ATP8A2: variants seen among roughly 807,000 people sequenced by gnomAD.
ATP8A2 encodes the protein phospholipid-transporting ATPase IB.
In ATP8A2, 100 loss-of-function variants were observed where a neutral mutation model predicts 165.6. The ratio of observed to expected loss-of-function variants is 0.60; its 90% confidence interval spans 0.51 to 0.71. ATP8A2 has a LOEUF of 0.71. ATP8A2 is among the 30% of genes least tolerant of loss of function. ATP8A2 has a pLI of 0.00. For synonymous variants in ATP8A2, 543 were observed against 548.8 expected, an observed-to-expected ratio of 0.99 and a Z score of 0.15; for missense variants, 1,227 against 1,479.5, an observed-to-expected ratio of 0.83 and a Z score of 2.80.
Position 25,701,723 on chromosome 13 carries a change from AACACACACACACAC to A in ATP8A2, c.2384+2409_2384+2422del, listed in dbSNP as rs71077495. ...TTTCTTGCCAGGTGCTTGATACTAA[AACACACACACACAC>A]ACACACACACACACACACACACACA... On this transcript the variant is annotated intron_variant, in intron 25 of 36. Transcript: ENST00000381655. Among the ~76,000 whole-genome samples the A allele has an allele frequency of 2.1e-4, 29 of 140,572 alleles. 1 individual carries two copies. The highest frequency in any genetic ancestry group is 6.7e-4 in the East Asian group (3 of 4,492). 92.2% of individuals were successfully genotyped at this position (140,572 alleles called of 152,430 possible). A position where few individuals can be genotyped will look rare whatever the true frequency, so the allele number is the denominator to read the frequency against.
At chr13:25,798,437 C>T (rs1209591097) in intron 27 of ATP8A2, among the ~76,000 whole-genome samples, 1 of 152,146 alleles carries the variant, frequency 6.6e-6, no homozygotes, top group Admixed American at 6.6e-5. Context: ...ACACAACTGT[C>T]TGTGGTCATG....
intron 24 of ATP8A2, among the ~76,000 whole-genome samples, chr13:25,655,030 T>C (rs1382795723): frequency 6.6e-6 from 1 of 152,134 alleles, no homozygotes; most frequent in Non-Finnish European, 1.5e-5. Flanking sequence ...AGACTAAGTG[T>C]TTTTTTACAA....
At chr13:25,392,120 A>G (rs2033270158) in intron 1 of ATP8A2, among the ~76,000 whole-genome samples, 1 of 152,228 alleles carries the variant, frequency 6.6e-6, no homozygotes, top group Non-Finnish European at 1.5e-5. Flanking sequence ...CACACGCAGC[A>G]ATAGATAATG....
intron 33 of ATP8A2, among the ~76,000 whole-genome samples, chr13:25,952,602 A>G (rs976303822): frequency 1.3e-5 from 2 of 151,982 alleles, no homozygotes; most frequent in South Asian, 2.1e-4. Context: ...CAAACTCCTG[A>G]CCTCAAACCG....
Position 25,776,955 on chromosome 13 carries a change from C to T in ATP8A2, c.2679+1996C>T, listed in dbSNP as rs371873892. Among the ~76,000 whole-genome samples the T allele has an allele frequency of 9.5e-4, 143 of 151,306 alleles. 1 individual carries two copies. The highest frequency in any genetic ancestry group is 3.1e-3 in the South Asian group (15 of 4,806). On this transcript the variant is annotated intron_variant, in intron 27 of 36. Coordinates refer to ENST00000381655, the MANE Select transcript of ATP8A2 (RefSeq NM_016529.6). ...AGGGCCCCTTCTTAGTCATTTACAC[C>T]TACTATCTTGCTGGTGTTTTTTTTT... is the stretch of plus-strand genomic sequence containing the variant.
chr13:25,833,601 G>C (rs562958690), intron 28 of ATP8A2, among the ~76,000 whole-genome samples: 1 of 152,178 alleles, frequency 6.6e-6, no homozygotes, highest in South Asian at 2.1e-4. Context: ...CAATGTAGTG[G>C]GGAAAGTTTG....
At chr13:25,853,084 A>G (rs1048656263) in intron 30 of ATP8A2, among the ~76,000 whole-genome samples, 9 of 152,032 alleles carry the variant, frequency 5.9e-5, no homozygotes, top group Non-Finnish European at 1.2e-4. Flanking sequence ...AAGTGTTTAT[A>G]TAAGATATTT....
chr13:25,570,882 C>A lies in ATP8A2; in HGVS notation c.1579+10C>A. 1 of 1,599,690 alleles carries A rather than the reference C, an allele frequency of 6.3e-7. No individual in the cohort carries two copies. The highest frequency in any genetic ancestry group is 8.6e-7 in the Non-Finnish European group (1 of 1,167,884). ...CAGGCCTCTTCCCCAGGTGAGGGCT[C>A]TGGCCGGATGCGCCCTGCTGGCCCC... is the stretch of plus-strand genomic sequence containing the variant. On this transcript the variant is annotated intron_variant, in intron 17 of 36. Coordinates refer to ENST00000381655, the MANE Select transcript of ATP8A2 (RefSeq NM_016529.6).
chr13:25,944,368 G>A (rs544252841), intron 33 of ATP8A2: 2 of 152,364 alleles, frequency 1.3e-5, no homozygotes, highest in East Asian at 1.9e-4. Context: ...ATAGCCAGAT[G>A]TGGTGGCATA....
At chr13:25,880,419 G>C (rs898767697) in intron 33 of ATP8A2, among the ~76,000 whole-genome samples, 4 of 150,920 alleles carry the variant, frequency 2.7e-5, no homozygotes, top group Non-Finnish European at 4.4e-5. Flanking sequence ...AATGTGATTA[G>C]TATTATGTCA....
intron 24 of ATP8A2, among the ~76,000 whole-genome samples, chr13:25,652,241 T>A (rs2041830343): frequency 6.6e-6 from 1 of 152,210 alleles, no homozygotes; most frequent in Admixed American, 6.5e-5. Flanking sequence ...TGGAAACCAC[T>A]GATTTAAATA....
intron 33 of ATP8A2, among the ~76,000 whole-genome samples, chr13:25,863,045 A>AGGAATGAGCTGACAGTCCTCTG (rs1410478722): frequency 6.6e-6 from 1 of 152,116 alleles, no homozygotes; most frequent in Non-Finnish European, 1.5e-5. Flanking sequence ...GGGTGTGGAG[A>AGGAATGAGCTGACAGTCCTCTG]GGAATGAGCT....
intron 1 of ATP8A2, among the ~76,000 whole-genome samples, chr13:25,393,796 T>C (rs192169330): frequency 7.2e-5 from 11 of 152,348 alleles, no homozygotes; most frequent in African/African-American, 1.9e-4. Flanking sequence ...TGTGCATGCC[T>C]TGACTATAAT....
intron 33 of ATP8A2, among the ~76,000 whole-genome samples, chr13:25,947,271 A>G (rs185644898): frequency 6.6e-6 from 1 of 152,172 alleles, no homozygotes; most frequent in South Asian, 2.1e-4. Flanking sequence ...GAAATATCTC[A>G]TATTCAGGGT....
chr13:25,925,761 C>G (rs1954586297), intron 33 of ATP8A2, among the ~76,000 whole-genome samples: 1 of 145,448 alleles, frequency 6.9e-6, no homozygotes, highest in Non-Finnish European at 1.5e-5. Flanking sequence ...GGAGTTTGCT[C>G]TTGTTGCCCA....
chr13:25,607,165 G>A (rs1187555480), intron 24 of ATP8A2, among the ~76,000 whole-genome samples: 1 of 152,186 alleles, frequency 6.6e-6, no homozygotes, highest in Non-Finnish European at 1.5e-5. Flanking sequence ...AGGTGGAACA[G>A]TTTCATCTTG....
intron 24 of ATP8A2, among the ~76,000 whole-genome samples, chr13:25,599,208 CTT>C (rs1292481464): frequency 8.5e-5 from 13 of 152,180 alleles, no homozygotes; most frequent in Admixed American, 2.6e-4. Flanking sequence ...TGCTTGAGCT[CTT>C]TCTCTGTGCA....
At chr13:26,003,213 A>G (rs9512018) in intron 35 of ATP8A2, among the ~76,000 whole-genome samples, 2,435 of 149,812 alleles carry the variant, frequency 0.016, 24 homozygotes, top group Non-Finnish European at 0.026. Context: ...TTTTTTTTTA[A>G]TAATAACCAT....
intron 1 of ATP8A2, among the ~76,000 whole-genome samples, chr13:25,399,906 C>T (rs2033577911): frequency 1.1e-5 from 1 of 94,304 alleles, no homozygotes; most frequent in Admixed American, 1.0e-4. Context: ...TCTTATTCTT[C>T]TCCTCCTTTT....
Sources: allele counts gnomAD v4.1 joint callset (sites outside exome capture counted in the v4.1 genomes callset), GRCh38; gene constraint gnomAD v4.1.1; transcripts MANE v1.5; gene names NCBI Gene and HGNC (gene_info 2026-07-23, HGNC 2026-07-21).